The following PTK7 variants were observed in gnomAD, a reference collection of about 807,000 sequenced individuals.
PTK7 encodes protein tyrosine kinase 7 (inactive), also known as inactive tyrosine-protein kinase 7.
Under a neutral mutation model 116.6 loss-of-function variants are expected in PTK7, and 39 were observed. The ratio of observed to expected loss-of-function variants is 0.33; its 90% CI spans 0.26 to 0.44. The LOEUF (loss-of-function observed/expected upper bound fraction) is 0.44. Ranked by LOEUF, PTK7 falls within the 20% of genes least tolerant of loss-of-function variation. The pLI is 1.00. For missense variants in PTK7, 1,169 were observed against 1,425.6 expected, an observed-to-expected ratio of 0.82 and a Z score of 2.90; for synonymous variants, 546 against 563.6, an observed-to-expected ratio of 0.97 and a Z score of 0.44.
intron 1 of PTK7, among the ~76,000 whole-genome samples, chr6:43,110,610 C>A (rs1431497976): frequency 6.6e-6 from 1 of 151,382 alleles, no homozygotes; most frequent in Non-Finnish European, 1.5e-5. Context: ...GACAGGGTTT[C>A]ACCATGTTAG....
chr6:43,150,493 G>C (rs1582210021), intron 17 of PTK7, among the ~76,000 whole-genome samples: 1 of 152,276 alleles, frequency 6.6e-6, no homozygotes, highest in Admixed American at 6.5e-5. Flanking sequence ...ACCATGCCAA[G>C]TCCACCTTCT....
intron 17 of PTK7, among the ~76,000 whole-genome samples, chr6:43,157,364 A>ATATATATT (rs70990168): frequency 3.7e-5 from 2 of 54,364 alleles, no homozygotes; most frequent in Non-Finnish European, 3.3e-5. Flanking sequence ...ATATATATAT[A>ATATATATT]TTTTTTTTTT....
intron 1 of PTK7, among the ~76,000 whole-genome samples, chr6:43,103,920 C>G (rs1384478884): frequency 6.6e-6 from 1 of 152,174 alleles, no homozygotes; most frequent in Non-Finnish European, 1.5e-5. Flanking sequence ...AATTTTGAGG[C>G]AAGTCTGCAC....
intron 7 of PTK7, among the ~76,000 whole-genome samples, chr6:43,134,910 A>G (rs758186437): frequency 1.8e-4 from 28 of 152,074 alleles, no homozygotes; most frequent in Admixed American, 3.9e-4. Context: ...TGATCACACT[A>G]CTGTACTGGA....
intron 7 of PTK7, among the ~76,000 whole-genome samples, chr6:43,134,598 G>A (rs1050322660): frequency 4.6e-5 from 7 of 151,960 alleles, no homozygotes; most frequent in African/African-American, 1.7e-4. Flanking sequence ...TGACCAACAT[G>A]GTGAAACCCC....
rs1337519388 is a variant in PTK7 at position 43,143,241 on chromosome 6, G to A, written c.2048-176G>A. On this transcript the variant is annotated intron_variant, in intron 13 of 19. Transcript: ENST00000230419. The surrounding 1 kb of genome is among the most constrained non-coding windows in gnomAD (Gnocchi z 4.2). ...TGGCCTCATCTCCTTCAGAGTCTTC[G>A]TTTGACCTTGGTGGGGCATGAGGAC... 5 of 622,908 alleles carry A rather than the reference G, an allele frequency of 8.0e-6. No individual in the cohort carries two copies. The highest frequency in any genetic ancestry group is 4.0e-5 in the South Asian group (2 of 50,252). 38.6% of individuals were successfully genotyped at this position (622,908 alleles called of 1,614,324 possible). A position where few individuals can be genotyped will look rare whatever the true frequency, so the allele number is the denominator to read the frequency against.
At chr6:43,152,891 T>C (rs544906322) in intron 17 of PTK7, among the ~76,000 whole-genome samples, 10 of 152,072 alleles carry the variant, frequency 6.6e-5, no homozygotes, top group African/African-American at 2.2e-4. Context: ...GTTCAAATGA[T>C]TCTCCTGCCT....
intron 17 of PTK7, among the ~76,000 whole-genome samples, chr6:43,157,377 T>TTC (rs1771559908): frequency 2.9e-5 from 2 of 69,754 alleles, no homozygotes; most frequent in African/African-American, 1.7e-4. Flanking sequence ...TTTTTTTTTC[T>TTC]TTTTTTTTTT....
intron 1 of PTK7, among the ~76,000 whole-genome samples, chr6:43,102,609 A>C (rs564276699): frequency 1.2e-3 from 181 of 151,866 alleles, no homozygotes; most frequent in African/African-American, 4.0e-3. Flanking sequence ...CCAAAAAAAA[A>C]CCAAAAAAAA....
chr6:43,082,592 C>T (rs1766439688), intron 1 of PTK7, among the ~76,000 whole-genome samples: 1 of 152,214 alleles, frequency 6.6e-6, no homozygotes, highest in Non-Finnish European at 1.5e-5. Flanking sequence ...CCTGTTGCAA[C>T]AGTATAAATT....
intron 1 of PTK7, among the ~76,000 whole-genome samples, chr6:43,095,622 C>CT (rs1441053045): frequency 2.6e-5 from 4 of 152,194 alleles, no homozygotes; most frequent in African/African-American, 7.2e-5. Flanking sequence ...GAATGCTCTT[C>CT]TCCGCTTCGG....
In PTK7 at chr6:43,109,997, C is replaced by A. The variant is rs1454321065; in HGVS notation, c.80-18980C>A. 4.6e-5 allele frequency among the ~76,000 whole-genome samples: 5 copies of A among 109,622 alleles called. No individual in the cohort carries two copies. The Admixed American group carries it at 5.0e-4, about 11-fold the overall frequency. The allele number at this position is 109,622 out of a possible 152,430, so 71.9% of individuals were successfully genotyped here. ...ACAGGCGTGAGCCACCATGCCCGGCCTTTTTTTTTTTTTTTTTGAGACAGA... is the reference window on the plus strand; with the variant it reads ...ACAGGCGTGAGCCACCATGCCCGGCATTTTTTTTTTTTTTTTTGAGACAGA... On this transcript the variant is annotated intron_variant, in intron 1 of 19. Coordinates refer to ENST00000230419, the MANE Select transcript of PTK7 (RefSeq NM_002821.5).
Position 43,132,017 on chromosome 6 carries a change from C to T in PTK7, c.814C>T (p.Pro272Ser). 1.9e-6 allele frequency: 3 copies of T among 1,613,984 alleles called. No individual in the cohort carries two copies. The highest frequency in any genetic ancestry group is 4.5e-5 in the East Asian group (2 of 44,882). Reference protein sequence around the residue: ...DETPITNRSRPPHLRRATVFA... With the variant: ...DETPITNRSRSPHLRRATVFA... ...CAAATTGCACTCTCCCCTCTGCAGCCCCCCACACCTCCGCAGAGCCACAGT... is the reference window on the plus strand; with the variant it reads ...CAAATTGCACTCTCCCCTCTGCAGCTCCCCACACCTCCGCAGAGCCACAGT... Residue 272 changes from proline to serine, a missense_variant and splice_region_variant, in exon 6 of 20, where the codon CCC (proline) becomes TCC (serine). Physicochemically the swap from Pro to Ser is moderately conservative, Grantham distance 74. This residue lies in a region of PTK7 where 487 missense variants were observed against 549.8 expected (regional missense o/e 0.89). Transcript: ENST00000230419.
intron 1 of PTK7, among the ~76,000 whole-genome samples, chr6:43,125,079 G>A (rs1448863265): frequency 1.3e-5 from 2 of 152,190 alleles, no homozygotes; most frequent in Non-Finnish European, 2.9e-5. Flanking sequence ...GGCTGAGACA[G>A]GAGAATCGCT....
At chr6:43,089,214 C>T (rs976556710) in intron 1 of PTK7, among the ~76,000 whole-genome samples, 1 of 152,126 alleles carries the variant, frequency 6.6e-6, no homozygotes, top group African/African-American at 2.4e-5. Flanking sequence ...TTGGCTGAAC[C>T]GTTGACCACT....
At position 43,141,303 on chromosome 6, in the gene PTK7, T is replaced by C. The variant is rs1355757591; in HGVS notation, c.1619-365T>C. Among the ~76,000 whole-genome samples the C allele has an allele frequency of 6.6e-6, 1 of 152,088 alleles. No individual in the cohort carries two copies. The highest frequency in any genetic ancestry group is 2.4e-5 in the African/African-American group (1 of 41,418). On this transcript the variant is annotated intron_variant, in intron 10 of 19. Coordinates refer to ENST00000230419, the MANE Select transcript of PTK7 (RefSeq NM_002821.5). The surrounding 1 kb of genome is among the most constrained non-coding windows in gnomAD (Gnocchi z 4.9). Reference sequence around the variant, plus strand: ...TCCCTCTGCTCAGGTCTGGGGGAACTTTCTGGGAGAGGTGAGGCTTAAAAT... The same window carrying C: ...TCCCTCTGCTCAGGTCTGGGGGAACCTTCTGGGAGAGGTGAGGCTTAAAAT...
At chr6:43,154,261 G>A (rs1220367277) in intron 17 of PTK7, among the ~76,000 whole-genome samples, 2 of 152,028 alleles carry the variant, frequency 1.3e-5, no homozygotes, top group African/African-American at 2.4e-5. Flanking sequence ...ACTTGAGCCT[G>A]GGAGGTTGAA....
At position 43,076,982 on chromosome 6, in the gene PTK7, C is replaced by T. The variant is rs1419018882; in HGVS notation, c.79+415C>T. 13 of 1,494,846 alleles carry T rather than the reference C, an allele frequency of 8.7e-6. No homozygotes were observed. The highest frequency in any genetic ancestry group is 1.7e-4 in the Middle Eastern group (1 of 5,810). The allele number at this position is 1,494,846 out of a possible 1,614,324, so 92.6% of individuals were successfully genotyped here. Reference sequence around the variant, plus strand: ...TCCCCACCCCACCCGGCAGGGTCGGCCCAGGTAAGAGTTGCTGGTTTGGGG... The same window carrying T: ...TCCCCACCCCACCCGGCAGGGTCGGTCCAGGTAAGAGTTGCTGGTTTGGGG... On this transcript the variant is annotated intron_variant, in intron 1 of 19. Coordinates refer to ENST00000230419, the MANE Select transcript of PTK7 (RefSeq NM_002821.5). This position sits in a 1 kb window ranked among gnomAD's most constrained non-coding sequence, Gnocchi z 5.7.
intron 1 of PTK7, among the ~76,000 whole-genome samples, chr6:43,086,513 C>T (rs146675176): frequency 6.9e-4 from 105 of 151,734 alleles, no homozygotes; most frequent in African/African-American, 2.4e-3. Flanking sequence ...GCAGCTAGCT[C>T]GTATGGTACC....
Sources: allele counts gnomAD v4.1 joint callset (sites outside exome capture counted in the v4.1 genomes callset), GRCh38; gene constraint gnomAD v4.1.1; regional missense constraint gnomAD v4.1.1; non-coding constraint Gnocchi (gnomAD v3.1); transcripts MANE v1.5; gene names NCBI Gene and HGNC (gene_info 2026-07-23, HGNC 2026-07-21).